The following PPM1L variants were observed in gnomAD, a reference collection of about 807,000 sequenced individuals.
PPM1L encodes the protein protein phosphatase, Mg2+/Mn2+ dependent 1L, also known as protein phosphatase 1L.
PPM1L carries 13 observed loss-of-function variants against 31.4 expected under a neutral mutation model. That is an observed-to-expected ratio of 0.41 (90% CI 0.27 to 0.66). The LOEUF (loss-of-function observed/expected upper bound fraction) is 0.66, where lower values mean the gene tolerates loss of function less well. PPM1L is among the 30% of genes least tolerant of loss of function. PPM1L has a pLI of 0.29. For synonymous variants in PPM1L, 184 were observed against 175.4 expected (o/e 1.05, Z -0.39); for missense variants, 326 against 453.7 (o/e 0.72, Z 2.56).
intron 1 of PPM1L, among the ~76,000 whole-genome samples, chr3:160,842,813 G>A (rs932368382): frequency 5.9e-5 from 9 of 152,178 alleles, no homozygotes; most frequent in Non-Finnish European, 1.0e-4. Flanking sequence ...GCCAAACCTG[G>A]CCTGCGGAGG....
intron 1 of PPM1L, among the ~76,000 whole-genome samples, chr3:160,803,052 C>T (rs757910288): frequency 5.3e-5 from 8 of 152,168 alleles, no homozygotes; most frequent in Non-Finnish European, 1.0e-4. Flanking sequence ...CAGTGCTGGC[C>T]AGCTGGTCTG....
chr3:161,009,739 T>C (rs916214894), intron 2 of PPM1L, among the ~76,000 whole-genome samples: 3 of 152,206 alleles, frequency 2.0e-5, no homozygotes, highest in African/African-American at 4.8e-5. Context: ...GCTTTTTTTT[T>C]CTATTTAACT....
intron 1 of PPM1L, among the ~76,000 whole-genome samples, chr3:160,923,445 C>T (rs1470927076): frequency 6.6e-6 from 1 of 152,170 alleles, no homozygotes; most frequent in Non-Finnish European, 1.5e-5. Flanking sequence ...TTGTTCTAGT[C>T]CCTCAAGATA....
intron 1 of PPM1L, among the ~76,000 whole-genome samples, chr3:160,921,034 A>G (rs1403222887): frequency 6.6e-6 from 1 of 152,234 alleles, no homozygotes; most frequent in African/African-American, 2.4e-5. Flanking sequence ...CCAAAAACAT[A>G]GAAATCTGAC....
chr3:160,944,823 A>ATATAACATATATATGT (rs1559896985), intron 1 of PPM1L, among the ~76,000 whole-genome samples: 935 of 16,664 alleles, frequency 0.056, 108 homozygotes, highest in African/African-American at 0.13. Context: ...TATATATGTT[A>ATATAACATATATATGT]TATATAACAT....
At chr3:160,856,810 TAA>T (rs376531936) in intron 1 of PPM1L, among the ~76,000 whole-genome samples, 1 of 141,918 alleles carries the variant, frequency 7.0e-6, no homozygotes, top group Non-Finnish European at 1.5e-5. Flanking sequence ...CAATAAAAGC[TAA>T]AAAAAAAAAA....
intron 1 of PPM1L, among the ~76,000 whole-genome samples, chr3:160,826,819 G>C (rs1453824710): frequency 6.6e-6 from 1 of 152,098 alleles, no homozygotes; most frequent in Non-Finnish European, 1.5e-5. Context: ...TCACTACTAA[G>C]AATTTTTATT....
chr3:161,031,934 G>T lies in PPM1L; in HGVS notation c.575-33469G>T, dbSNP rs568440122. On this transcript the variant is annotated intron_variant, in intron 2 of 3. Transcript: ENST00000498165. ...CTGAGTGGAAAATAGGGCAACAAGG[G>T]TTCATAGTAGCATCTTCCTCTGCCT... Among the ~76,000 whole-genome samples the T allele has an allele frequency of 2.6e-5, 4 of 152,238 alleles. No individual in the cohort carries two copies. In the East Asian group the frequency reaches 7.7e-4, roughly 29 times the overall value.
intron 1 of PPM1L, among the ~76,000 whole-genome samples, chr3:160,822,440 A>G (rs191941443): frequency 9.3e-4 from 141 of 152,150 alleles, no homozygotes; most frequent in African/African-American, 3.3e-3. Context: ...TTTATGTTTT[A>G]TATGTATTAA....
At chr3:160,937,137 A>G (rs1221929873) in intron 1 of PPM1L, among the ~76,000 whole-genome samples, 1 of 152,196 alleles carries the variant, frequency 6.6e-6, no homozygotes, top group Non-Finnish European at 1.5e-5. Flanking sequence ...TGTTTGAAAT[A>G]ATGAAATCTC....
intron 1 of PPM1L, among the ~76,000 whole-genome samples, chr3:160,887,816 C>A (rs954612344): frequency 2.6e-5 from 4 of 152,010 alleles, no homozygotes; most frequent in African/African-American, 9.7e-5. Context: ...ATTTCCTGAC[C>A]TCATGATCTG....
chr3:160,955,946 G>A (rs1039349085), intron 1 of PPM1L, among the ~76,000 whole-genome samples: 27 of 152,096 alleles, frequency 1.8e-4, no homozygotes, highest in African/African-American at 6.5e-4. Flanking sequence ...GAGCCACCAC[G>A]CTGGGCCGAG....
At chr3:161,068,074 T>C (rs1417784463) in intron 3 of PPM1L, among the ~76,000 whole-genome samples, 1 of 152,080 alleles carries the variant, frequency 6.6e-6, no homozygotes, top group East Asian at 1.9e-4. Flanking sequence ...ATCTGACAAA[T>C]ATGTGGATGA....
At chr3:160,951,191 C>G (rs1333102395) in intron 1 of PPM1L, among the ~76,000 whole-genome samples, 2 of 152,208 alleles carry the variant, frequency 1.3e-5, no homozygotes, top group Non-Finnish European at 1.5e-5. Context: ...CGACATTAGG[C>G]TGTTTTTATG....
At chr3:161,013,277 A>G (rs1717958089) in intron 2 of PPM1L, among the ~76,000 whole-genome samples, 2 of 152,114 alleles carry the variant, frequency 1.3e-5, no homozygotes, top group African/African-American at 2.4e-5. Flanking sequence ...TCATTTCGTT[A>G]TGCACCCAGT....
At chr3:160,849,462 G>A (rs564273797) in intron 1 of PPM1L, among the ~76,000 whole-genome samples, 46 of 151,430 alleles carry the variant, frequency 3.0e-4, no homozygotes, top group African/African-American at 1.1e-3. Flanking sequence ...CGCCCAGGCT[G>A]GAGTGCAGTG....
intron 1 of PPM1L, among the ~76,000 whole-genome samples, chr3:160,855,824 C>T (rs572721650): frequency 6.6e-6 from 1 of 152,242 alleles, no homozygotes; most frequent in African/African-American, 2.4e-5. Context: ...GAATTTAAAA[C>T]AGAACTCCCA....
chr3:161,074,437 G>T lies in PPM1L; in HGVS notation c.*5280G>T, dbSNP rs1720037889. 6.6e-6 allele frequency: 1 copy of T among 152,138 alleles called. No individual in the cohort carries two copies. Among genetic ancestry groups the T allele is most frequent in the Admixed American group, 6.6e-5 (1 of 15,264 alleles). The allele number at this position is 152,138 out of a possible 1,614,324, so 9.4% of individuals were successfully genotyped here. ...TGGTACAGAGTGAATTAAGGCAAAAGTCATTAACTTAAAATTACATCCAAT... is the reference window on the plus strand; with the variant it reads ...TGGTACAGAGTGAATTAAGGCAAAATTCATTAACTTAAAATTACATCCAAT... On this transcript the variant is annotated 3_prime_UTR_variant, in exon 4 of 4. Transcript: ENST00000498165.
chr3:160,788,948 T>C (rs934237755), intron 1 of PPM1L, among the ~76,000 whole-genome samples: 1 of 151,934 alleles, frequency 6.6e-6, no homozygotes, highest in Non-Finnish European at 1.5e-5. Context: ...ATTTAGAATG[T>C]TCTGGGCTAT....
Sources: gnomAD v4.1 joint callset for allele counts (sites outside exome capture counted in the v4.1 genomes callset) on GRCh38, gnomAD v4.1.1 for gene constraint, MANE v1.5 for transcripts, NCBI Gene and HGNC (gene_info 2026-07-23, HGNC 2026-07-21) for gene names.